SRGAP1: variants seen among roughly 807,000 people sequenced by gnomAD.
SRGAP1 encodes SLIT-ROBO Rho GTPase-activating protein 1.
In SRGAP1, 43 loss-of-function variants were observed where a neutral mutation model predicts 121.9. That is an observed-to-expected ratio of 0.35 (90% CI 0.28 to 0.46). The LOEUF (loss-of-function observed/expected upper bound fraction) is 0.46, where lower values mean the gene tolerates loss of function less well. SRGAP1 is among the 20% of genes least tolerant of loss of function. The pLI, the probability that SRGAP1 is intolerant of heterozygous loss-of-function variation, is 1.00. For synonymous variants in SRGAP1, 447 were observed against 485.4 expected, an observed-to-expected ratio of 0.92 and a Z score of 1.04; for missense variants, 1,102 against 1,350.9, an observed-to-expected ratio of 0.82 and a Z score of 2.89.
At chr12:63,952,114 C>T (rs1478026625) in intron 1 of SRGAP1, among the ~76,000 whole-genome samples, 2 of 152,080 alleles carry the variant, frequency 1.3e-5, no homozygotes, top group African/African-American at 4.8e-5. Context: ...TCTGTGTCCT[C>T]CTTACTTTAA....
intron 1 of SRGAP1, chr12:63,871,982 A>G (rs1899869535): frequency 2.0e-6 from 2 of 979,988 alleles, no homozygotes; most frequent in Admixed American, 3.4e-5. Flanking sequence ...TGCCCTTCTT[A>G]TACTGTGTCA....
intron 1 of SRGAP1, among the ~76,000 whole-genome samples, chr12:63,870,961 C>G (rs897475189): frequency 1.3e-5 from 2 of 152,092 alleles, no homozygotes; most frequent in Non-Finnish European, 2.9e-5. Flanking sequence ...TAAGTGTTCA[C>G]CCTTTGTTGT....
chr12:63,960,571 G>A (rs534774448), intron 1 of SRGAP1, among the ~76,000 whole-genome samples: 1 of 152,168 alleles, frequency 6.6e-6, no homozygotes, highest in African/African-American at 2.4e-5. Context: ...ATAACCTGTG[G>A]TAGGCTGAAT....
chr12:64,091,402 G>A, intron 12 of SRGAP1, 24 bp downstream of exon 12: 1 of 1,557,608 alleles, frequency 6.4e-7, no homozygotes, highest in Non-Finnish European at 8.8e-7. Context: ...CCATCTGGGT[G>A]GCTGATCTCC....
At chr12:63,846,224 G>A (rs983156516) in intron 1 of SRGAP1, among the ~76,000 whole-genome samples, 1 of 152,146 alleles carries the variant, frequency 6.6e-6, no homozygotes, top group African/African-American at 2.4e-5. Context: ...TCATTGCTAT[G>A]GAAGTTGTGT....
At chr12:64,012,579 G>C (rs1222654677) in intron 3 of SRGAP1, among the ~76,000 whole-genome samples, 1 of 39,132 alleles carries the variant, frequency 2.6e-5, no homozygotes, top group Non-Finnish European at 4.6e-5. Context: ...TTTTTTTTGA[G>C]AGTGGGTCTC....
intron 1 of SRGAP1, among the ~76,000 whole-genome samples, chr12:63,977,837 T>G (rs543246338): frequency 2.6e-4 from 40 of 152,226 alleles, no homozygotes; most frequent in Non-Finnish European, 4.7e-4. Context: ...TAGCCTCCAT[T>G]AAAACTGCCA....
intron 1 of SRGAP1, among the ~76,000 whole-genome samples, chr12:63,881,747 G>A (rs1446521043): frequency 6.6e-6 from 1 of 152,138 alleles, no homozygotes; most frequent in Non-Finnish European, 1.5e-5. Context: ...AATAGCAGTT[G>A]TATTTGTAAA....
intron 6 of SRGAP1, among the ~76,000 whole-genome samples, chr12:64,050,460 A>G (rs1026810905): frequency 2.0e-5 from 3 of 152,006 alleles, no homozygotes; most frequent in Non-Finnish European, 2.9e-5. Flanking sequence ...ATGTCCCTAT[A>G]TATACACATT....
At chr12:63,870,037 G>T (rs1899795511) in intron 1 of SRGAP1, among the ~76,000 whole-genome samples, 1 of 152,144 alleles carries the variant, frequency 6.6e-6, no homozygotes, top group Admixed American at 6.5e-5. Context: ...GGCTACATCA[G>T]GATGCCACCT....
intron 10 of SRGAP1, 42 bp from the exon 11 acceptor site, chr12:64,086,957 T>A (rs1303862013): frequency 6.6e-7 from 1 of 1,514,360 alleles, no homozygotes; most frequent in Non-Finnish European, 9.1e-7. Flanking sequence ...TACACTCTGC[T>A]GATTCCTTTC....
In SRGAP1 at chr12:64,006,778, GA is replaced by G. The variant is rs201351802; in HGVS notation, c.427-10166del. 4.5e-3 allele frequency among the ~76,000 whole-genome samples: 690 copies of G among 152,136 alleles called. 8 individuals are homozygous for G. The highest frequency in any genetic ancestry group is 0.011 in the South Asian group (54 of 4,818). On this transcript the variant is annotated intron_variant, in intron 3 of 21. Transcript: ENST00000355086. ...TCAACCACCAGTGTGTCCTGGGGGG[GA>G]AAAAAGAATTATCATTGGTGCAGAT...
At chr12:64,064,482 C>T (rs1438549227) in intron 7 of SRGAP1, among the ~76,000 whole-genome samples, 3 of 152,118 alleles carry the variant, frequency 2.0e-5, no homozygotes, top group Non-Finnish European at 4.4e-5. Context: ...GTTAGGGAAG[C>T]CATATTTGAA....
At chr12:63,870,317 T>TA (rs1041134063) in intron 1 of SRGAP1, among the ~76,000 whole-genome samples, 1 of 152,130 alleles carries the variant, frequency 6.6e-6, no homozygotes, top group African/African-American at 2.4e-5. Flanking sequence ...AACTTGCCTG[T>TA]AGAGAAGAAA....
intron 4 of SRGAP1, among the ~76,000 whole-genome samples, chr12:64,024,423 G>A (rs531762573): frequency 6.6e-6 from 1 of 152,244 alleles, no homozygotes; most frequent in African/African-American, 2.4e-5. Context: ...AGCCTGGGTG[G>A]CAGAGTAAGA....
At chr12:63,989,884 T>C in intron 2 of SRGAP1, 26 bp from the exon 3 acceptor site, 3 of 1,574,990 alleles carry the variant, frequency 1.9e-6, no homozygotes, top group Non-Finnish European at 2.6e-6. Flanking sequence ...AAATGGGTGG[T>C]AATTCTGTGT....
At chr12:63,919,626 C>T (rs973217967) in intron 1 of SRGAP1, among the ~76,000 whole-genome samples, 25 of 151,758 alleles carry the variant, frequency 1.6e-4, no homozygotes, top group African/African-American at 5.6e-4. Context: ...CCAATTCTGT[C>T]GCACTTATCT....
chr12:63,948,077 C>G (rs2136358574), intron 1 of SRGAP1, among the ~76,000 whole-genome samples: 1 of 152,012 alleles, frequency 6.6e-6, no homozygotes, highest in Admixed American at 6.5e-5. Flanking sequence ...GCAGACATCA[C>G]CTTAGCAATA....
chr12:64,076,089 A>G (rs1320838020), intron 8 of SRGAP1, among the ~76,000 whole-genome samples: 2 of 152,224 alleles, frequency 1.3e-5, no homozygotes, highest in African/African-American at 4.8e-5. Context: ...CAATATTTTG[A>G]ACAGTAATAA....
Sources: gnomAD v4.1 joint callset for allele counts (sites outside exome capture counted in the v4.1 genomes callset) on GRCh38, gnomAD v4.1.1 for gene constraint, MANE v1.5 for transcripts, NCBI Gene and HGNC (gene_info 2026-07-23, HGNC 2026-07-21) for gene names.